SYN2: variants seen among roughly 807,000 people sequenced by gnomAD.
SYN2 encodes the protein synapsin-2.
SYN2 carries 19 observed loss-of-function variants against 50.9 expected under a neutral mutation model. That is an observed-to-expected ratio of 0.37 (90% CI 0.26 to 0.55). The LOEUF is 0.55. SYN2 is among the 20% of genes least tolerant of loss of function. The pLI is 0.81. For synonymous variants in SYN2, 255 were observed against 224.9 expected, an observed-to-expected ratio of 1.13 and a Z score of -1.20; for missense variants, 587 against 576.4, an observed-to-expected ratio of 1.02 and a Z score of -0.19.
intron 1 of SYN2, among the ~76,000 whole-genome samples, chr3:12,024,603 C>T (rs1261485733): frequency 6.6e-6 from 1 of 152,078 alleles, no homozygotes; most frequent in Non-Finnish European, 1.5e-5. Context: ...CATTTGTTTT[C>T]TTGTAGATAG....
intron 1 of SYN2, among the ~76,000 whole-genome samples, chr3:12,074,064 C>T (rs1695419483): frequency 6.6e-6 from 1 of 152,134 alleles, no homozygotes; most frequent in African/African-American, 2.4e-5. Flanking sequence ...TATCTTCTTG[C>T]TAGATTACTC....
rs773640922 is a variant in SYN2, at chr3:12,004,875, A to G, written c.324A>G (p.Ala108=). ...GLVDAPAPAP[A]AARKAKVLLV... ...TGGACGCGCCCGCTCCCGCGCCCGC[A>G]GCCGCCAGGAAGGCCAAGGTGCTGC... Residue 108 remains alanine, a synonymous_variant, in exon 1 of 13, where the codon GCA becomes GCG. Transcript: ENST00000621198. The G allele has an allele frequency of 1.7e-6, 1 of 573,104 alleles. No homozygotes were observed. Among genetic ancestry groups the G allele is most frequent in the South Asian group, 2.0e-5 (1 of 50,158 alleles). 35.5% of individuals were successfully genotyped at this position (573,104 alleles called of 1,614,324 possible). A position where few individuals can be genotyped will look rare whatever the true frequency, so the allele number is the denominator to read the frequency against.
chr3:12,183,885 T>C (rs1698281844), intron 11 of SYN2: 2 of 1,018,518 alleles, frequency 2.0e-6, no homozygotes, highest in Non-Finnish European at 2.3e-6. Flanking sequence ...CCTCCAACTT[T>C]CCCTCCACCA....
chr3:12,118,641 T>TA, intron 1 of SYN2, among the ~76,000 whole-genome samples: 1 of 152,316 alleles, frequency 6.6e-6, no homozygotes, highest in East Asian at 1.9e-4. Context: ...TGACCTCATA[T>TA]AAGTTGTATT....
intron 1 of SYN2, chr3:12,070,665 G>C (rs1475982763): frequency 8.0e-7 from 1 of 1,248,390 alleles, no homozygotes; most frequent in Non-Finnish European, 1.1e-6. Flanking sequence ...GTCCCTCTAT[G>C]CCTCTGGATG....
intron 1 of SYN2, among the ~76,000 whole-genome samples, chr3:12,040,054 A>G (rs1363719768): frequency 6.6e-6 from 1 of 152,202 alleles, no homozygotes; most frequent in Non-Finnish European, 1.5e-5. Flanking sequence ...TGATTAAAGT[A>G]CAAAGTATGC....
intron 3 of SYN2, among the ~76,000 whole-genome samples, chr3:12,142,535 A>G (rs1028830714): frequency 6.6e-6 from 1 of 152,166 alleles, no homozygotes; most frequent in African/African-American, 2.4e-5. Context: ...AGAAAAACCT[A>G]GGGCTGGAAG....
chr3:12,138,198 C>T (rs1468003032), intron 1 of SYN2, among the ~76,000 whole-genome samples: 1 of 152,216 alleles, frequency 6.6e-6, no homozygotes, highest in Non-Finnish European at 1.5e-5. Flanking sequence ...GCTCTGTGCC[C>T]CATCTGCCGG....
intron 1 of SYN2, among the ~76,000 whole-genome samples, chr3:12,097,780 C>T (rs902730628): frequency 6.6e-6 from 1 of 152,142 alleles, no homozygotes; most frequent in African/African-American, 2.4e-5. Flanking sequence ...CACATGTTCT[C>T]ACTCATAGGT....
At chr3:12,060,573 A>AC (rs942604637) in intron 1 of SYN2, among the ~76,000 whole-genome samples, 16 of 152,290 alleles carry the variant, frequency 1.1e-4, no homozygotes, top group Admixed American at 9.8e-4. Context: ...CACCACACCA[A>AC]CAGGGCTACA....
At chr3:12,156,200 T>C (rs368510807) in intron 5 of SYN2, among the ~76,000 whole-genome samples, 1 of 152,372 alleles carries the variant, frequency 6.6e-6, no homozygotes, top group East Asian at 1.9e-4. Context: ...TTTCTAAATA[T>C]TGTTTTATGT....
In SYN2 at chr3:12,145,709, G is replaced by A. The variant is rs773330874; in HGVS notation, c.558G>A (p.Arg186=). ...TCCGGCCAGACTTCGTGCTCATCCGGCAGCATGCATTTGGCATGGCGGAGA... is the reference window on the plus strand; with the variant it reads ...TCCGGCCAGACTTCGTGCTCATCCGACAGCATGCATTTGGCATGGCGGAGA... ...RSFRPDFVLI[R]QHAFGMAENE... The change falls in exon 4 of 13, where the codon CGG becomes CGA. Residue 186 remains arginine, a synonymous_variant. Coordinates refer to ENST00000621198, the MANE Select transcript of SYN2 (RefSeq NM_133625.6). 2.5e-6 allele frequency: 4 copies of A among 1,613,990 alleles called. No individual in the cohort carries two copies. The South Asian group carries it at 4.4e-5, about 18-fold the overall frequency.
chr3:12,188,852 C>T (rs986360805), intron 12 of SYN2, among the ~76,000 whole-genome samples: 2 of 152,174 alleles, frequency 1.3e-5, no homozygotes, highest in East Asian at 1.9e-4. Context: ...TCCCTCCTGC[C>T]TTCCCACTAG....
chr3:12,103,126 T>C (rs1696111380), intron 1 of SYN2, among the ~76,000 whole-genome samples: 1 of 152,184 alleles, frequency 6.6e-6, no homozygotes, highest in Non-Finnish European at 1.5e-5. Flanking sequence ...CTAGAGAAGT[T>C]CTGTGAACTT....
rs1574879236 is a variant in SYN2, at chr3:12,004,685, C to G, written c.134C>G (p.Ala45Gly). Residue 45 changes from alanine to glycine, a missense_variant, in exon 1 of 13, where the codon GCC (alanine) becomes GGC (glycine). Coordinates refer to ENST00000621198, the MANE Select transcript of SYN2 (RefSeq NM_133625.6). ...PPPPPPGPGAASASAAPPTAS... is the reference protein window; with the variant it reads ...PPPPPPGPGAGSASAAPPTAS... ...CCGCCGCCCCCCGGTCCGGGCGCCG[C>G]CTCGGCCTCGGCGGCGCCCCCGACC... The G allele has an allele frequency of 5.1e-6, 1 of 197,804 alleles. No individual in the cohort carries two copies. The highest frequency in any genetic ancestry group is 2.4e-5 in the African/African-American group (1 of 41,774). 12.3% of individuals were successfully genotyped at this position (197,804 alleles called of 1,614,324 possible). A position where few individuals can be genotyped will look rare whatever the true frequency, so the allele number is the denominator to read the frequency against.
intron 1 of SYN2, among the ~76,000 whole-genome samples, chr3:12,134,389 T>C (rs1239460132): frequency 1.3e-5 from 2 of 152,234 alleles, no homozygotes; most frequent in Non-Finnish European, 2.9e-5. Flanking sequence ...TTCCCTGCCT[T>C]GGGAACCTCT....
At chr3:12,058,448 A>G (rs1337193709) in intron 1 of SYN2, among the ~76,000 whole-genome samples, 1 of 152,228 alleles carries the variant, frequency 6.6e-6, no homozygotes, top group Non-Finnish European at 1.5e-5. Context: ...ATAAGACAAC[A>G]GTAATTTACT....
chr3:12,103,610 A>G (rs1341932644), intron 1 of SYN2, among the ~76,000 whole-genome samples: 1 of 152,186 alleles, frequency 6.6e-6, no homozygotes. Flanking sequence ...TCATATTTAC[A>G]TTAAAGATTG....
At chr3:12,060,803 C>G (rs1271522713) in intron 1 of SYN2, among the ~76,000 whole-genome samples, 1 of 152,168 alleles carries the variant, frequency 6.6e-6, no homozygotes, top group Non-Finnish European at 1.5e-5. Flanking sequence ...AGACCAGTTC[C>G]TATTCCCAAT....
Sources: gnomAD v4.1 joint callset for allele counts (sites outside exome capture counted in the v4.1 genomes callset) on GRCh38, gnomAD v4.1.1 for gene constraint, MANE v1.5 for transcripts, NCBI Gene and HGNC (gene_info 2026-07-23, HGNC 2026-07-21) for gene names.